The following NME9 variants were observed in gnomAD, a reference collection of about 807,000 sequenced individuals.
The protein encoded by NME9 is thioredoxin domain-containing protein 6.
Under a neutral mutation model 44.4 loss-of-function variants are expected in NME9, and 48 were observed. That is an observed-to-expected ratio of 1.08 (90% CI 0.86 to 1.37). The LOEUF is 1.37. Among genes scored for constraint, NME9 ranks in the 40% most tolerant of loss-of-function variants. The pLI, the probability that NME9 is intolerant of heterozygous loss-of-function variation, is 0.00. For synonymous variants in NME9, 139 were observed against 147.1 expected, an observed-to-expected ratio of 0.94 and a Z score of 0.40; for missense variants, 325 against 405.2, an observed-to-expected ratio of 0.80 and a Z score of 1.70.
intron 8 of NME9, among the ~76,000 whole-genome samples, chr3:138,280,953 A>C (rs2049847621): frequency 2.0e-5 from 3 of 152,078 alleles, no homozygotes; most frequent in Admixed American, 2.0e-4. Flanking sequence ...AGTTTAGCCA[A>C]CTGTTTCTTT....
At position 138,327,078 on chromosome 3, in the gene NME9, C is replaced by T. The variant is rs545766955; in HGVS notation, c.34-2148G>A. ...GGCTGAGACATGAGAACTGCTTGAA[C>T]GTGAGAGGTGGAGGTTGCACTGAGA... On this transcript the variant is annotated intron_variant, in intron 1 of 10. Coordinates refer to ENST00000333911, the MANE Select transcript of NME9 (RefSeq NM_001349018.2). The T allele has an allele frequency of 2.8e-5, 4 of 144,554 alleles. No homozygotes were observed. The South Asian group carries it at 6.7e-4, about 24-fold the overall frequency. The allele number at this position is 144,554 out of a possible 1,614,324, so 9.0% of individuals were successfully genotyped here.
At chr3:138,287,267 C>G (rs1318917021) in intron 8 of NME9, among the ~76,000 whole-genome samples, 2 of 152,206 alleles carry the variant, frequency 1.3e-5, no homozygotes, top group African/African-American at 2.4e-5. Context: ...ACACCTACTT[C>G]TCTGAACAGA....
intron 8 of NME9, among the ~76,000 whole-genome samples, chr3:138,268,337 A>G (rs2048469653): frequency 6.6e-6 from 1 of 152,222 alleles, no homozygotes; most frequent in South Asian, 2.1e-4. Context: ...ACTGGTAGTT[A>G]CCCTGATGGA....
intron 8 of NME9, chr3:138,273,247 C>A: frequency 9.8e-7 from 1 of 1,016,590 alleles, no homozygotes; most frequent in Non-Finnish European, 1.4e-6. Context: ...TCCAAAGAAA[C>A]AAGGAGTTGA....
intron 6 of NME9, among the ~76,000 whole-genome samples, chr3:138,313,616 T>A (rs1399914809): frequency 6.6e-6 from 1 of 152,188 alleles, no homozygotes; most frequent in Non-Finnish European, 1.5e-5. Flanking sequence ...CACTCCCGTG[T>A]TTATTGCAGC....
At position 138,312,877 on chromosome 3, in the gene NME9, A is replaced by G. The variant is rs537689655; in HGVS notation, c.460+1455T>C. On this transcript the variant is annotated intron_variant, in intron 6 of 10. Coordinates refer to ENST00000333911, the MANE Select transcript of NME9 (RefSeq NM_001349018.2). ...TCCCTCCGACAAGGGATTAATAACC[A>G]GAATATATAAGGAGCTCAAACAACT... Among the ~76,000 whole-genome samples, 6 of 152,346 alleles carry G rather than the reference A, an allele frequency of 3.9e-5. No individual in the cohort carries two copies. The East Asian group carries it at 9.6e-4, about 24-fold the overall frequency.
At chr3:138,279,908 C>CT (rs888601409) in intron 8 of NME9, among the ~76,000 whole-genome samples, 126 of 148,928 alleles carry the variant, frequency 8.5e-4, no homozygotes, top group African/African-American at 2.6e-3. Context: ...TTGGTAATTC[C>CT]TTTTTTTTTT....
intron 6 of NME9, among the ~76,000 whole-genome samples, chr3:138,313,635 C>T (rs551229735): frequency 3.9e-5 from 6 of 152,162 alleles, no homozygotes; most frequent in Admixed American, 6.5e-5. Flanking sequence ...GCAGTATTCA[C>T]GGTAGCCAAA....
intron 8 of NME9, among the ~76,000 whole-genome samples, chr3:138,294,792 C>T (rs551926773): frequency 6.6e-6 from 1 of 152,258 alleles, no homozygotes; most frequent in East Asian, 1.9e-4. Context: ...AAGGAGGCCT[C>T]CTTGGGCCCA....
chr3:138,295,565 A>ATAGAATGTCAGCACATACCAGGGACTG (rs2051407664), intron 8 of NME9, among the ~76,000 whole-genome samples: 1 of 152,364 alleles, frequency 6.6e-6, no homozygotes, highest in African/African-American at 2.4e-5. Flanking sequence ...AAAAGAAAAC[A>ATAGAATGTCAGCACATACCAGGGACTG]TAGAATGTCA....
intron 3 of NME9, among the ~76,000 whole-genome samples, chr3:138,318,442 C>T (rs764809752): frequency 1.3e-4 from 20 of 152,006 alleles, no homozygotes; most frequent in Non-Finnish European, 2.1e-4. Flanking sequence ...ATCTCCTACC[C>T]GCCCCCCAGC....
chr3:138,325,614 G>A (rs1050162600), intron 1 of NME9, among the ~76,000 whole-genome samples: 7 of 151,958 alleles, frequency 4.6e-5, no homozygotes, highest in Non-Finnish European at 8.8e-5. Context: ...CACCATGTTG[G>A]CCAGGCTGGT....
At chr3:138,282,120 T>G (rs1198505201) in intron 8 of NME9, among the ~76,000 whole-genome samples, 1 of 152,220 alleles carries the variant, frequency 6.6e-6, no homozygotes, top group Admixed American at 6.5e-5. Flanking sequence ...GCATTTTGGT[T>G]TTGTCTTAGT....
chr3:138,311,138 C>T (rs1380904708), intron 6 of NME9, among the ~76,000 whole-genome samples: 1 of 151,896 alleles, frequency 6.6e-6, no homozygotes, highest in East Asian at 1.9e-4. Context: ...AATTTGAAAA[C>T]CTAAAAGAAA....
chr3:138,295,577 C>T (rs2051409161), intron 8 of NME9, among the ~76,000 whole-genome samples: 1 of 152,214 alleles, frequency 6.6e-6, no homozygotes, highest in South Asian at 2.1e-4. Context: ...AGAATGTCAG[C>T]ACATACCAGG....
At chr3:138,311,945 C>T (rs921429816) in intron 6 of NME9, among the ~76,000 whole-genome samples, 13 of 151,986 alleles carry the variant, frequency 8.6e-5, no homozygotes, top group African/African-American at 2.7e-4. Context: ...TACAAAAACC[C>T]GTAGCATATG....
intron 8 of NME9, among the ~76,000 whole-genome samples, chr3:138,265,782 T>G (rs951331222): frequency 7.2e-5 from 11 of 152,132 alleles, no homozygotes; most frequent in Non-Finnish European, 1.3e-4. Context: ...GTGGAAGAGT[T>G]AGACCAATGC....
In NME9 at chr3:138,301,698, T is replaced by C; in HGVS notation, c.935A>G (p.Glu312Gly). ...DKDTEAPQGGEAEATAGPTEA... is the reference protein window; with the variant it reads ...DKDTEAPQGGGAEATAGPTEA... ...AGTGGGCCCCGCTGTTGCTTCAGCC[T>C]CACCGCCTGTGGGATGACAGATGTT... is the stretch of plus-strand genomic sequence containing the variant. Residue 312 changes from glutamate to glycine, a missense_variant, in exon 11 of 11, where the codon GAG becomes GGG. Coordinates refer to ENST00000333911, the MANE Select transcript of NME9 (RefSeq NM_001349018.2). The C allele has an allele frequency of 6.5e-7, 1 of 1,535,980 alleles. No individual in the cohort carries two copies. Among genetic ancestry groups the C allele is most frequent in the African/African-American group, 1.4e-5 (1 of 73,160 alleles).
chr3:138,281,966 C>T (rs1281120883), intron 8 of NME9, among the ~76,000 whole-genome samples: 3 of 152,160 alleles, frequency 2.0e-5, no homozygotes, highest in Non-Finnish European at 4.4e-5. Context: ...CTCTGGCCAA[C>T]CCATAGGATT....
Sources: allele counts gnomAD v4.1 joint callset (sites outside exome capture counted in the v4.1 genomes callset), GRCh38; gene constraint gnomAD v4.1.1; transcripts MANE v1.5; gene names NCBI Gene and HGNC (gene_info 2026-07-23, HGNC 2026-07-21).